The following UNK variants were observed in gnomAD, a reference collection of about 807,000 sequenced individuals.
UNK encodes the protein RING finger protein unkempt homolog.
A neutral mutation model predicts 97.6 loss-of-function variants in UNK; 32 were observed. The ratio of observed to expected loss-of-function variants is 0.33; its 90% CI spans 0.25 to 0.44. UNK has a LOEUF of 0.44. UNK is among the 20% of genes least tolerant of loss of function. The probability of loss-of-function intolerance (pLI) is 1.00; values close to 1 mark genes in which losing one functional copy is unlikely to be tolerated. For synonymous variants in UNK, 441 were observed against 461.2 expected (o/e 0.96, Z 0.56); for missense variants, 771 against 1,098.4 (o/e 0.70, Z 4.21).
At chr17:75,822,825 G>C (rs541479351) in intron 14 of UNK, among the ~76,000 whole-genome samples, 167 bp downstream of exon 14, 1 of 152,266 alleles carries the variant, frequency 6.6e-6, no homozygotes, top group Non-Finnish European at 1.5e-5. Flanking sequence ...CGCTTTGCCA[G>C]TCAGGACCCT....
chr17:75,789,923 A>T (rs535151777), intron 1 of UNK, among the ~76,000 whole-genome samples: 1 of 152,080 alleles, frequency 6.6e-6, no homozygotes, highest in South Asian at 2.1e-4. Context: ...TGGGCGGATC[A>T]TGAGGTCAGG....
At chr17:75,796,294 T>C (rs2061805257) in intron 1 of UNK, among the ~76,000 whole-genome samples, 1 of 151,954 alleles carries the variant, frequency 6.6e-6, no homozygotes, top group Non-Finnish European at 1.5e-5. Context: ...CTGTGTAGTG[T>C]GTCAGATCCA....
intron 13 of UNK, among the ~76,000 whole-genome samples, chr17:75,821,017 A>G (rs942878572): frequency 6.8e-6 from 1 of 147,324 alleles, no homozygotes; most frequent in Non-Finnish European, 1.5e-5. Flanking sequence ...TTGGTGTTGC[A>G]TTTTTCGGAC....
chr17:75,790,425 G>A (rs1175138009), intron 1 of UNK, among the ~76,000 whole-genome samples: 1 of 152,126 alleles, frequency 6.6e-6, no homozygotes, highest in African/African-American at 2.4e-5. Context: ...GAGCCCAGGA[G>A]TTCCAGACCA....
chr17:75,818,139 C>G lies in UNK; in HGVS notation c.1342C>G (p.Gln448Glu). 7 of 1,613,554 alleles carry G rather than the reference C, an allele frequency of 4.3e-6. No homozygotes were observed. Among genetic ancestry groups the G allele is most frequent in the Non-Finnish European group, 5.9e-6 (7 of 1,179,776 alleles). ...LKPHSLEPRS[Q>E]EQPLLQPKQD... ...ACCCCACTCATTAGAGCCCAGGAGTCAAGAGCAGCCTCTGCTTCAGCCCAA... is the reference window on the plus strand; with the variant it reads ...ACCCCACTCATTAGAGCCCAGGAGTGAAGAGCAGCCTCTGCTTCAGCCCAA... Residue 448 changes from glutamine to glutamate, a missense_variant, in exon 10 of 16, where the codon CAA (glutamine) becomes GAA (glutamate). By Grantham distance (29) the Gln-to-Glu change is conservative. Transcript: ENST00000589666. This position sits in a 1 kb window ranked among gnomAD's most constrained non-coding sequence, Gnocchi z 5.1.
intron 1 of UNK, among the ~76,000 whole-genome samples, chr17:75,797,042 C>A (rs1401773175): frequency 1.3e-5 from 2 of 152,046 alleles, no homozygotes; most frequent in Non-Finnish European, 2.9e-5. Flanking sequence ...ATCATTTGAG[C>A]CTTTGGATAC....
At chr17:75,807,890 G>A (rs2061933620) in intron 1 of UNK, among the ~76,000 whole-genome samples, 1 of 152,168 alleles carries the variant, frequency 6.6e-6, no homozygotes, top group Admixed American at 6.6e-5. Flanking sequence ...TGCCTGACCA[G>A]AAGCAGATAA....
At chr17:75,788,262 C>G (rs1438465499) in intron 1 of UNK, among the ~76,000 whole-genome samples, 3 of 151,846 alleles carry the variant, frequency 2.0e-5, no homozygotes, top group Non-Finnish European at 4.4e-5. Context: ...TTACTGCAAC[C>G]TCCACCTCCC....
intron 1 of UNK, among the ~76,000 whole-genome samples, chr17:75,806,117 AAAG>A (rs1353000316): frequency 3.2e-4 from 49 of 151,932 alleles, no homozygotes; most frequent in African/African-American, 1.2e-3. Context: ...AAAAAAAAAA[AAAG>A]AAATCTAAAG....
chr17:75,824,151 C>T lies in UNK; in HGVS notation c.2278-111C>T, dbSNP rs560868423. 31 of 1,321,330 alleles carry T rather than the reference C, an allele frequency of 2.3e-5. No individual in the cohort carries two copies. The South Asian group carries it at 3.7e-4, about 16-fold the overall frequency. The allele number at this position is 1,321,330 out of a possible 1,614,324, so 81.9% of individuals were successfully genotyped here. ...GGGTCTGGGAGCACACTGTTGAGCT[C>T]GGTACCTCAGTTTTCCCATCCCAAG... On this transcript the variant is annotated intron_variant, in intron 15 of 15. Coordinates refer to ENST00000589666, the MANE Select transcript of UNK (RefSeq NM_001080419.3). The surrounding 1 kb of genome is among the most constrained non-coding windows in gnomAD (Gnocchi z 4.9).
In UNK at chr17:75,816,022, A is replaced by G. The variant is rs1332019935; in HGVS notation, c.962-748A>G. ...AATCAATATACAAAAATATCAAGAC[A>G]TTTCACCTTTTTTTGTACTAAGTCT... On this transcript the variant is annotated intron_variant, in intron 7 of 15. Coordinates refer to ENST00000589666, the MANE Select transcript of UNK (RefSeq NM_001080419.3). The surrounding 1 kb of genome is among the most constrained non-coding windows in gnomAD (Gnocchi z 4.0). Among the ~76,000 whole-genome samples, 3 of 152,104 alleles carry G rather than the reference A, an allele frequency of 2.0e-5. No individual in the cohort carries two copies. The highest frequency in any genetic ancestry group is 4.4e-5 in the Non-Finnish European group (3 of 68,028).
intron 1 of UNK, among the ~76,000 whole-genome samples, chr17:75,801,023 C>T (rs2061852260): frequency 6.6e-6 from 1 of 151,812 alleles, no homozygotes; most frequent in Non-Finnish European, 1.5e-5. Context: ...CCTGCCTCAG[C>T]CTCCTGAGTA....
At chr17:75,794,253 C>T in intron 1 of UNK, 1 of 833,256 alleles carries the variant, frequency 1.2e-6, no homozygotes, top group South Asian at 5.5e-5. Flanking sequence ...TATGGCCTGT[C>T]CGAAACTCTC....
At position 75,820,510 on chromosome 17, in the gene UNK, T is replaced by C. The variant is rs916633645; in HGVS notation, c.1837+402T>C. ...GAGAGGCTGGCTCGCACCAGCCAGGTTCACAGGGGACCAAGGGAGAAGCCA... is the reference window on the plus strand; with the variant it reads ...GAGAGGCTGGCTCGCACCAGCCAGGCTCACAGGGGACCAAGGGAGAAGCCA... On this transcript the variant is annotated intron_variant, in intron 13 of 15. Transcript: ENST00000589666. Among the ~76,000 whole-genome samples, 6 of 152,058 alleles carry C rather than the reference T, an allele frequency of 3.9e-5. No individual in the cohort carries two copies. The South Asian group carries it at 1.2e-3, about 32-fold the overall frequency.
At chr17:75,788,687 T>A (rs2061735978) in intron 1 of UNK, among the ~76,000 whole-genome samples, 1 of 151,814 alleles carries the variant, frequency 6.6e-6, no homozygotes, top group Non-Finnish European at 1.5e-5. Context: ...TTTTTAAATT[T>A]ATTTTTGTCA....
intron 1 of UNK, 80 bp downstream of exon 1, chr17:75,785,064 C>A: frequency 6.8e-6 from 7 of 1,023,934 alleles, no homozygotes; most frequent in Non-Finnish European, 9.5e-6. Flanking sequence ...GCAGGGAGAG[C>A]GCGAGGCGGC....
At position 75,818,704 on chromosome 17, in the gene UNK, C is replaced by T. The variant is rs1268766525; in HGVS notation, c.1434C>T (p.Thr478=). The T allele has an allele frequency of 3.1e-6, 5 of 1,613,088 alleles. No homozygotes were observed. The Admixed American group carries it at 6.7e-5, about 22-fold the overall frequency. Residue 478 remains threonine, a synonymous_variant, in exon 11 of 16, where the codon ACC becomes ACT. Coordinates refer to ENST00000589666, the MANE Select transcript of UNK (RefSeq NM_001080419.3). The surrounding 1 kb of genome is among the most constrained non-coding windows in gnomAD (Gnocchi z 5.1). ...PLTSSISSSI[T]SSLAATPPSP... is the part of the protein sequence containing the mutation. ...CCTCAAGCATCTCTTCTAGTATCAC[C>T]TCCAGCCTGGCAGCTACCCCCCCTA...
In UNK at chr17:75,818,799, C is replaced by T. The variant is rs1264422287; in HGVS notation, c.1529C>T (p.Thr510Met). ...CTGCCCTTCTACCCCACCAGCGACA[C>T]GGTAGAGTCAGTCATAGGTAACTAG... ...NALPFYPTSDTVESVIESALD... is the reference protein window; with the variant it reads ...NALPFYPTSDMVESVIESALD... The change falls in exon 11 of 16, where the codon ACG becomes ATG. Residue 510 changes from threonine (T) to methionine (M), a missense_variant. Physicochemically the swap from Thr to Met is moderately conservative, Grantham distance 81. Transcript: ENST00000589666. This position sits in a 1 kb window ranked among gnomAD's most constrained non-coding sequence, Gnocchi z 5.1. 7.5e-6 allele frequency: 12 copies of T among 1,606,590 alleles called. No individual in the cohort carries two copies. The highest frequency in any genetic ancestry group is 1.0e-5 in the Non-Finnish European group (12 of 1,176,204).
rs762967759 is a variant in UNK, at chr17:75,823,544, C to T, written c.2277+22C>T. The T allele has an allele frequency of 3.9e-6, 6 of 1,522,140 alleles. No homozygotes were observed. In the Admixed American group the frequency reaches 1.0e-4, roughly 25 times the overall value. The allele number at this position is 1,522,140 out of a possible 1,614,324, so 94.3% of individuals were successfully genotyped here. A position where few individuals can be genotyped will look rare whatever the true frequency, so the allele number is the denominator to read the frequency against. On this transcript the variant is annotated intron_variant, in intron 15 of 15. Coordinates refer to ENST00000589666, the MANE Select transcript of UNK (RefSeq NM_001080419.3). ...CAAGGTCAGCCCAGGTCGGGGAGCA[C>T]TGGGTGGGATGCACGGTGGCCTCAG...
Sources: allele counts gnomAD v4.1 joint callset (sites outside exome capture counted in the v4.1 genomes callset), GRCh38; gene constraint gnomAD v4.1.1; non-coding constraint Gnocchi (gnomAD v3.1); transcripts MANE v1.5; gene names NCBI Gene and HGNC (gene_info 2026-07-23, HGNC 2026-07-21).